DOCK8: variants seen among roughly 807,000 people sequenced by gnomAD.
The protein encoded by DOCK8 is dedicator of cytokinesis protein 8.
Under a neutral mutation model 245.6 loss-of-function variants are expected in DOCK8, and 141 were observed. The observed-to-expected ratio is 0.57, with a 90% confidence interval of 0.50 to 0.66. DOCK8 has a LOEUF of 0.66. Among genes scored for constraint, DOCK8 ranks in the 30% least tolerant of loss-of-function variants. The probability of loss-of-function intolerance (pLI) is 0.00; values close to 1 mark genes in which losing one functional copy is unlikely to be tolerated. For missense variants in DOCK8, 2,965 were observed against 2,603.4 expected (o/e 1.14, Z -3.02); for synonymous variants, 1,168 against 970.2 (o/e 1.20, Z -3.79).
chr9:324,343 CTT>C (rs1381615540), intron 7 of DOCK8, among the ~76,000 whole-genome samples: 1 of 152,142 alleles, frequency 6.6e-6, no homozygotes, highest in Non-Finnish European at 1.5e-5. Context: ...CAAAACATGA[CTT>C]TATTGACATG....
intron 46 of DOCK8, among the ~76,000 whole-genome samples, chr9:461,312 C>T (rs2057797311): frequency 6.6e-6 from 1 of 152,040 alleles, no homozygotes; most frequent in African/African-American, 2.4e-5. Flanking sequence ...ATATTGTCTC[C>T]CTCTCATTTT....
In DOCK8 at chr9:379,919, G is replaced by C; in HGVS notation, c.2589G>C (p.Arg863Ser). ...HYVFRLPEVQ[R>S]DVPKSGAPTA... Reference sequence around the variant, plus strand: ...TCTTCCGCCTGCCAGAGGTGCAAAGGGATGTGCCCAAGTCAGGTAGAGTTG... The same window carrying C: ...TCTTCCGCCTGCCAGAGGTGCAAAGCGATGTGCCCAAGTCAGGTAGAGTTG... Residue 863 changes from arginine to serine, a missense_variant, in exon 21 of 48, where the codon AGG becomes AGC. By Grantham distance (110) the Arg-to-Ser change is moderately radical. Transcript: ENST00000432829. The C allele has an allele frequency of 6.2e-7, 1 of 1,613,966 alleles. No homozygotes were observed. Among genetic ancestry groups the C allele is most frequent in the Non-Finnish European group, 8.5e-7 (1 of 1,180,002 alleles).
intron 22 of DOCK8, among the ~76,000 whole-genome samples, chr9:385,409 CTAA>C (rs2053910952): frequency 6.6e-6 from 1 of 152,152 alleles, no homozygotes; most frequent in Non-Finnish European, 1.5e-5. Flanking sequence ...CTCTGTAAAT[CTAA>C]TAATAACTAT....
Position 406,980 on chromosome 9 carries a change from C to T in DOCK8, c.3441C>T (p.Phe1147=), listed in dbSNP as rs34621129. 3,018 of 1,614,124 alleles carry T rather than the reference C, an allele frequency of 1.9e-3. 47 individuals carry two copies. In the African/African-American group the frequency reaches 0.033, roughly 18 times the overall value. ...SFQDQKIASM[F]DLTSEYRQQH... The stretch of plus-strand genomic sequence containing the variant: ...AGGACCAGAAGATCGCCAGCATGTT[C>T]GATCTGACTTCCGAGTACCGCCAGC... Residue 1147 remains phenylalanine, a synonymous_variant, in exon 28 of 48, where the codon TTC becomes TTT. Transcript: ENST00000432829.
At chr9:217,407 G>A (rs188515638) in intron 1 of DOCK8, among the ~76,000 whole-genome samples, 7 of 152,240 alleles carry the variant, frequency 4.6e-5, no homozygotes, top group Admixed American at 1.3e-4. Flanking sequence ...GTGTTTCTCC[G>A]CCTGTGCCTT....
At chr9:413,436 A>G (rs1042943523) in intron 28 of DOCK8, among the ~76,000 whole-genome samples, 7 of 152,148 alleles carry the variant, frequency 4.6e-5, no homozygotes, top group Non-Finnish European at 8.8e-5. Flanking sequence ...AACTTTTGTG[A>G]TTTATAGGAC....
intron 32 of DOCK8, among the ~76,000 whole-genome samples, chr9:421,352 A>G (rs973073579): frequency 7.9e-5 from 12 of 152,198 alleles, no homozygotes; most frequent in Non-Finnish European, 1.6e-4. Flanking sequence ...CACCTCTAAG[A>G]ATGTCAGTCA....
chr9:306,754 A>G (rs2049849739), intron 5 of DOCK8, among the ~76,000 whole-genome samples: 3 of 152,134 alleles, frequency 2.0e-5, no homozygotes. Context: ...GCATTTCCTA[A>G]GTGATGCTGA....
chr9:430,469 G>A lies in DOCK8; in HGVS notation c.4626+615G>A, dbSNP rs139267112. Among the ~76,000 whole-genome samples, 1,041 of 152,044 alleles carry A rather than the reference G, an allele frequency of 6.8e-3. 11 individuals carry two copies. Among genetic ancestry groups the A allele is most frequent in the African/African-American group, 0.024 (987 of 41,478 alleles). On this transcript the variant is annotated intron_variant, in intron 36 of 47. Coordinates refer to ENST00000432829, the MANE Select transcript of DOCK8 (RefSeq NM_203447.4). ...GGCCAAGGCAGGCAGATCAGATGAG[G>A]CCAGGAGTCCAAGACTAGCCTGGCC...
At chr9:420,210 A>G (rs913577403) in intron 30 of DOCK8, 191 bp from the exon 31 acceptor site, 39 of 680,252 alleles carry the variant, frequency 5.7e-5, no homozygotes, top group African/African-American at 5.3e-5. Flanking sequence ...AGCGCTACTC[A>G]AAGAACACAG....
intron 1 of DOCK8, among the ~76,000 whole-genome samples, chr9:221,624 C>T (rs904732076): frequency 6.8e-6 from 1 of 146,020 alleles, no homozygotes; most frequent in Non-Finnish European, 1.5e-5. Flanking sequence ...CCAGCCTGGC[C>T]AACATGGTGA....
intron 1 of DOCK8, among the ~76,000 whole-genome samples, chr9:264,429 A>T (rs2047990822): frequency 6.6e-6 from 1 of 152,208 alleles, no homozygotes; most frequent in Admixed American, 6.5e-5. Context: ...TTTTCTTTGT[A>T]GTCATGTTTC....
chr9:439,392 A>G lies in DOCK8; in HGVS notation c.5223+4A>G, dbSNP rs117109271. ...GGCCGCGGAGCTCTTCAGCACGGTC[A>G]GTGCCCAGAGGGCATCCCGGGGCCT... On this transcript the variant is annotated splice_donor_region_variant and intron_variant, in intron 40 of 47. Transcript: ENST00000432829. 387 of 1,612,760 alleles carry G rather than the reference A, an allele frequency of 2.4e-4. 3 individuals carry two copies. The East Asian group carries it at 5.4e-3, about 23-fold the overall frequency.
chr9:317,358 C>CT (rs2050391873), intron 7 of DOCK8, among the ~76,000 whole-genome samples: 1 of 152,054 alleles, frequency 6.6e-6, no homozygotes, highest in Admixed American at 6.5e-5. Flanking sequence ...ACACACGTGT[C>CT]TACTAAAGTT....
chr9:311,008 G>A lies in DOCK8; in HGVS notation c.529-946G>A, dbSNP rs576598634. Among the ~76,000 whole-genome samples the A allele has an allele frequency of 1.6e-4, 24 of 152,184 alleles. No homozygotes were observed. The East Asian group carries it at 1.7e-3, about 11-fold the overall frequency. ...ATGGATTAAAGACTTAAATGGGGCC[G>A]GGCGCAGTGGCTCACCCCTGTAATC... is the stretch of plus-strand genomic sequence containing the variant. On this transcript the variant is annotated intron_variant, in intron 5 of 47. Coordinates refer to ENST00000432829, the MANE Select transcript of DOCK8 (RefSeq NM_203447.4).
chr9:370,045 C>T (rs1586822331), intron 15 of DOCK8, 185 bp from the exon 16 acceptor site: 1 of 636,120 alleles, frequency 1.6e-6, no homozygotes, highest in Non-Finnish European at 2.9e-6. Flanking sequence ...TCAAGCCATT[C>T]TCCCACGCCG....
Position 286,572 on chromosome 9 carries a change from G to C in DOCK8, c.268G>C (p.Asp90His), listed in dbSNP as rs113165814. Residue 90 changes from aspartate (D) to histidine (H), a missense_variant, in exon 3 of 48, where the codon GAC (aspartate) becomes CAC (histidine). This residue lies in a region of DOCK8 where 2,825 missense variants were observed against 2,453.5 expected (regional missense o/e 1.15). Transcript: ENST00000432829. Reference protein sequence around the residue: ...AQELGDFTDDDLDVVFTPKEC... With the variant: ...AQELGDFTDDHLDVVFTPKEC... ...GGAGCTCGGGGACTTCACTGATGAC[G>C]ACTTGGACGTGGTGTTCACGCCAAA... 6.2e-7 allele frequency: 1 copy of C among 1,613,926 alleles called. No individual in the cohort carries two copies. Among genetic ancestry groups the C allele is most frequent in the Non-Finnish European group, 8.5e-7 (1 of 1,179,940 alleles).
intron 13 of DOCK8, 77 bp downstream of exon 13, chr9:339,176 A>G (rs951580250): frequency 8.2e-7 from 1 of 1,225,306 alleles, no homozygotes; most frequent in African/African-American, 1.5e-5. Flanking sequence ...GTCTAATGCC[A>G]GAATTTATAA....
At chr9:446,290 C>G in intron 43 of DOCK8, 80 bp from the exon 44 acceptor site, 3 of 1,191,718 alleles carry the variant, frequency 2.5e-6, no homozygotes, top group Non-Finnish European at 3.8e-6. Flanking sequence ...ACGCCGTGTT[C>G]CTGCATGCCC....
Sources: allele counts gnomAD v4.1 joint callset (sites outside exome capture counted in the v4.1 genomes callset), GRCh38; gene constraint gnomAD v4.1.1; regional missense constraint gnomAD v4.1.1; transcripts MANE v1.5; gene names NCBI Gene and HGNC (gene_info 2026-07-23, HGNC 2026-07-21).